Variants in PIBF1 observed in about 807,000 individuals in gnomAD.
The protein encoded by PIBF1 is progesterone immunomodulatory binding factor 1.
A neutral mutation model predicts 112.5 loss-of-function variants in PIBF1; 90 were observed. The observed-to-expected ratio is 0.80, with a 90% confidence interval of 0.67 to 0.95. The LOEUF is 0.95. PIBF1 is among the 40% of genes least tolerant of loss of function. PIBF1 has a pLI of 0.00. For missense variants in PIBF1, 915 were observed against 852.3 expected (o/e 1.07, Z -0.92); for synonymous variants, 301 against 288.6 (o/e 1.04, Z -0.44).
At chr13:72,902,099 A>T (rs576338267) in intron 11 of PIBF1, among the ~76,000 whole-genome samples, 1 of 151,500 alleles carries the variant, frequency 6.6e-6, no homozygotes, top group African/African-American at 2.4e-5. Flanking sequence ...CCTAAATGAG[A>T]TTGGAGACTA....
In PIBF1 at chr13:72,827,861, G is replaced by T; in HGVS notation, c.1044G>T (p.Leu348=). The change falls in exon 8 of 18, where the codon CTG becomes CTT. Residue 348 remains leucine (L), a synonymous_variant. Transcript: ENST00000326291. The part of the protein sequence containing the change: ...EDRLERLQAQ[L]EESKKAREEM... ...GCCTTGAAAGACTTCAAGCTCAACT[G>T]GAAGAAAGCAAAAAGGCTAGAGAAG... The T allele has an allele frequency of 6.3e-7, 1 of 1,589,802 alleles. No homozygotes were observed. Among genetic ancestry groups the T allele is most frequent in the Non-Finnish European group, 8.6e-7 (1 of 1,168,208 alleles).
At chr13:72,843,692 A>G (rs759383434) in intron 9 of PIBF1, among the ~76,000 whole-genome samples, 2 of 152,156 alleles carry the variant, frequency 1.3e-5, no homozygotes, top group Non-Finnish European at 2.9e-5. Context: ...GGTTACAGGC[A>G]TGAGCCACCG....
chr13:72,819,184 T>C (rs2036430475), intron 5 of PIBF1, among the ~76,000 whole-genome samples: 2 of 152,004 alleles, frequency 1.3e-5, no homozygotes, highest in Admixed American at 1.3e-4. Flanking sequence ...AGCCGTAGGG[T>C]AAGATTAGGC....
chr13:72,893,356 G>A (rs2040135711), intron 10 of PIBF1, among the ~76,000 whole-genome samples: 1 of 151,996 alleles, frequency 6.6e-6, no homozygotes, highest in Admixed American at 6.6e-5. Context: ...TCAAGAATTT[G>A]TAGTTTAATA....
At chr13:72,908,140 A>C (rs904496756) in intron 11 of PIBF1, among the ~76,000 whole-genome samples, 2 of 152,192 alleles carry the variant, frequency 1.3e-5, no homozygotes, top group African/African-American at 4.8e-5. Context: ...TATTGTCAGT[A>C]TATCGTTTTT....
intron 16 of PIBF1, among the ~76,000 whole-genome samples, chr13:72,996,878 A>G (rs2043691276): frequency 6.6e-6 from 1 of 152,224 alleles, no homozygotes; most frequent in African/African-American, 2.4e-5. Context: ...TCTAAATGTT[A>G]TTTGGGTACC....
At chr13:72,958,633 C>G (rs960789063) in intron 14 of PIBF1, among the ~76,000 whole-genome samples, 1 of 152,198 alleles carries the variant, frequency 6.6e-6, no homozygotes, top group Non-Finnish European at 1.5e-5. Context: ...GGCCCCTCTC[C>G]TGAGACCTGC....
At chr13:72,842,093 G>A (rs1016268599) in intron 9 of PIBF1, among the ~76,000 whole-genome samples, 1 of 152,158 alleles carries the variant, frequency 6.6e-6, no homozygotes, top group Non-Finnish European at 1.5e-5. Context: ...CAGACGTAGA[G>A]GGTCTACATG....
intron 11 of PIBF1, among the ~76,000 whole-genome samples, chr13:72,902,429 AAG>A (rs1339874432): frequency 6.6e-6 from 1 of 151,688 alleles, no homozygotes; most frequent in Non-Finnish European, 1.5e-5. Context: ...AAAAAAAAAA[AAG>A]AATTGATTGT....
intron 10 of PIBF1, among the ~76,000 whole-genome samples, chr13:72,877,166 G>A (rs2039444150): frequency 6.6e-6 from 1 of 152,096 alleles, no homozygotes; most frequent in Non-Finnish European, 1.5e-5. Context: ...TCAGCTTGTT[G>A]ATGTGATGGA....
intron 14 of PIBF1, among the ~76,000 whole-genome samples, chr13:72,932,809 T>A (rs2041751292): frequency 6.6e-6 from 1 of 152,226 alleles, no homozygotes. Flanking sequence ...AATAATTTAG[T>A]TTAGTTTTTA....
chr13:72,784,762 A>T (rs774685421), intron 2 of PIBF1, among the ~76,000 whole-genome samples: 6 of 152,154 alleles, frequency 3.9e-5, no homozygotes, highest in Non-Finnish European at 8.8e-5. Context: ...TATCTCAAAA[A>T]AATAATAATA....
At chr13:72,869,614 A>G in intron 10 of PIBF1, among the ~76,000 whole-genome samples, 1 of 134,284 alleles carries the variant, frequency 7.4e-6, no homozygotes, top group East Asian at 2.6e-4. Flanking sequence ...CTTAAAGTAT[A>G]ATAATAATAA....
chr13:72,809,155 T>TTA (rs1555287011), intron 5 of PIBF1, among the ~76,000 whole-genome samples: 10 of 137,130 alleles, frequency 7.3e-5, no homozygotes, highest in Non-Finnish European at 1.6e-4. Flanking sequence ...TTTTTTTTTT[T>TTA]AATTAAACCT....
At chr13:72,883,387 G>A (rs1566401906) in intron 10 of PIBF1, among the ~76,000 whole-genome samples, 1 of 152,154 alleles carries the variant, frequency 6.6e-6, no homozygotes, top group African/African-American at 2.4e-5. Flanking sequence ...AAAAATAATA[G>A]GGAGGTTGAA....
chr13:72,798,228 G>T (rs1387727873), intron 5 of PIBF1, among the ~76,000 whole-genome samples: 1 of 152,172 alleles, frequency 6.6e-6, no homozygotes, highest in South Asian at 2.1e-4. Flanking sequence ...TGTTATTGAC[G>T]TATCCTATAG....
At chr13:72,788,375 A>G (rs2034712947) in intron 2 of PIBF1, among the ~76,000 whole-genome samples, 1 of 152,210 alleles carries the variant, frequency 6.6e-6, no homozygotes, top group African/African-American at 2.4e-5. Context: ...AGACCTGGAA[A>G]CCATGGCTTA....
At chr13:72,852,313 AGTGGAAGCTGCTT>A (rs2038199497) in intron 9 of PIBF1, among the ~76,000 whole-genome samples, 1 of 152,198 alleles carries the variant, frequency 6.6e-6, no homozygotes, top group Non-Finnish European at 1.5e-5. Context: ...CGGTGCCAGC[AGTGGAAGCTGCTT>A]TCAGTATGCC....
At chr13:72,867,077 G>A (rs573500643) in intron 10 of PIBF1, among the ~76,000 whole-genome samples, 1 of 152,180 alleles carries the variant, frequency 6.6e-6, no homozygotes, top group Non-Finnish European at 1.5e-5. Flanking sequence ...TCACCTTGTA[G>A]CTCCCATAAT....
Sources: allele counts gnomAD v4.1 joint callset (sites outside exome capture counted in the v4.1 genomes callset), GRCh38; gene constraint gnomAD v4.1.1; transcripts MANE v1.5; gene names NCBI Gene and HGNC (gene_info 2026-07-23, HGNC 2026-07-21).